Variants in SNRK observed in about 807,000 individuals in gnomAD.
SNRK encodes the protein SNF-related serine/threonine-protein kinase.
SNRK carries 3 observed loss-of-function variants against 48.2 expected under a neutral mutation model. The ratio of observed to expected loss-of-function variants is 0.06; its 90% CI spans 0.03 to 0.16. The LOEUF (loss-of-function observed/expected upper bound fraction) is 0.16, where lower values mean the gene tolerates loss of function less well. Among genes scored for constraint, SNRK ranks in the 10% least tolerant of loss-of-function variants. The pLI is 1.00. For missense variants in SNRK, 627 were observed against 976.0 expected (o/e 0.64, Z 4.76); for synonymous variants, 376 against 366.1 (o/e 1.03, Z -0.31).
At chr3:43,332,831 G>A (rs1460705194) in intron 4 of SNRK, 7 of 152,216 alleles carry the variant, frequency 4.6e-5, no homozygotes, top group African/African-American at 1.7e-4. Flanking sequence ...GTGACTATGG[G>A]AAGCCAGCAT....
At chr3:43,331,403 T>C (rs1451660004) in intron 3 of SNRK, among the ~76,000 whole-genome samples, 1 of 152,126 alleles carries the variant, frequency 6.6e-6, no homozygotes, top group African/African-American at 2.4e-5. Flanking sequence ...AATGCTAGAG[T>C]TGAGAGGTCC....
chr3:43,333,550 G>C (rs2091164405), intron 4 of SNRK, among the ~76,000 whole-genome samples: 1 of 151,950 alleles, frequency 6.6e-6, no homozygotes, highest in African/African-American at 2.4e-5. Flanking sequence ...TATGAATATT[G>C]ATGATGATTA....
rs557521362 is a variant in SNRK at position 43,318,664 on chromosome 3, G to A, written c.590-13505G>A. On this transcript the variant is annotated intron_variant, in intron 3 of 6. Coordinates refer to ENST00000296088, the MANE Select transcript of SNRK (RefSeq NM_017719.5). ...AACTTTCTAACACAAATTTGGAATT[G>A]TGTTATTCGCATTGCATGTTGCCGA... is the stretch of plus-strand genomic sequence containing the variant. 4.6e-5 allele frequency among the ~76,000 whole-genome samples: 7 copies of A among 151,970 alleles called. No individual in the cohort carries two copies. In the South Asian group the frequency reaches 1.5e-3, roughly 32 times the overall value.
rs187338323 is a variant in SNRK, at chr3:43,310,126, A to G, written c.589+6334A>G. 3.8e-3 allele frequency among the ~76,000 whole-genome samples: 575 copies of G among 152,264 alleles called. 4 individuals are homozygous for G. Among genetic ancestry groups the G allele is most frequent in the African/African-American group, 0.013 (543 of 41,562 alleles). ...CAGTATCGCTGAGGTATGCCTGTGT[A>G]TAGCTGTATTTCGTGTCTAATCTAT... On this transcript the variant is annotated intron_variant, in intron 3 of 6. Coordinates refer to ENST00000296088, the MANE Select transcript of SNRK (RefSeq NM_017719.5).
At chr3:43,292,085 C>T (rs1159365269) in intron 1 of SNRK, among the ~76,000 whole-genome samples, 2 of 152,190 alleles carry the variant, frequency 1.3e-5, no homozygotes, top group Non-Finnish European at 2.9e-5. Context: ...AACTGGAATT[C>T]TAATGGCCAA....
chr3:43,337,612 C>G (rs1450131696), intron 4 of SNRK, among the ~76,000 whole-genome samples: 1 of 151,970 alleles, frequency 6.6e-6, no homozygotes, highest in Non-Finnish European at 1.5e-5. Flanking sequence ...CCATTTCATA[C>G]TGCTACAAAG....
chr3:43,325,505 A>G (rs532032567), intron 3 of SNRK, among the ~76,000 whole-genome samples: 9 of 152,258 alleles, frequency 5.9e-5, no homozygotes, highest in African/African-American at 1.4e-4. Context: ...GAAAACATCA[A>G]AATACTCCAC....
chr3:43,299,871 C>T (rs2125617692), intron 2 of SNRK, 56 bp downstream of exon 2: 1 of 152,660 alleles, frequency 6.6e-6, no homozygotes, highest in African/African-American at 2.4e-5. Flanking sequence ...CACATCTTAA[C>T]ATTGGGCATT....
chr3:43,314,249 T>C (rs1038180182), intron 3 of SNRK, among the ~76,000 whole-genome samples: 6 of 152,176 alleles, frequency 3.9e-5, no homozygotes, highest in Non-Finnish European at 5.9e-5. Context: ...TATAGACATA[T>C]CTTAGAATTG....
chr3:43,343,117 A>T, intron 5 of SNRK: 1 of 461,272 alleles, frequency 2.2e-6, no homozygotes, highest in Non-Finnish European at 3.6e-6. Flanking sequence ...TCTCTCATTT[A>T]CGAAAAATCT....
chr3:43,316,311 C>T (rs2091012833), intron 3 of SNRK, among the ~76,000 whole-genome samples: 3 of 151,942 alleles, frequency 2.0e-5, no homozygotes, highest in African/African-American at 2.4e-5. Context: ...TGGTGGCTCT[C>T]AGTGGTCATC....
At position 43,332,165 on chromosome 3, in the gene SNRK, A is replaced by G; in HGVS notation, c.590-4A>G. ...ATATTTTAAAGTATGTCTTTGATTT[A>G]TAGATATTTGGAGTCTGGGAGTGAT... On this transcript the variant is annotated splice_polypyrimidine_tract_variant and splice_region_variant and intron_variant, in intron 3 of 6. Coordinates refer to ENST00000296088, the MANE Select transcript of SNRK (RefSeq NM_017719.5). 3.2e-6 allele frequency: 5 copies of G among 1,544,410 alleles called. No homozygotes were observed. Among genetic ancestry groups the G allele is most frequent in the Admixed American group, 2.2e-5 (1 of 45,740 alleles).
chr3:43,287,804 T>G (rs1178052456), intron 1 of SNRK, among the ~76,000 whole-genome samples: 1 of 152,228 alleles, frequency 6.6e-6, no homozygotes, highest in Non-Finnish European at 1.5e-5. Flanking sequence ...CAGTGTACTT[T>G]AAAGCCCGGG....
At position 43,341,539 on chromosome 3, in the gene SNRK, A is replaced by G. The variant is rs150031196; in HGVS notation, c.944+1040A>G. 1.6e-4 allele frequency among the ~76,000 whole-genome samples: 24 copies of G among 152,376 alleles called. No homozygotes were observed. The East Asian group carries it at 2.9e-3, about 18-fold the overall frequency. The stretch of plus-strand genomic sequence containing the variant: ...TTTTTTCTGATAATGATTAATTTCT[A>G]TAAGAGGTCCTGACTGTAAAAACAA... On this transcript the variant is annotated intron_variant, in intron 5 of 6. Coordinates refer to ENST00000296088, the MANE Select transcript of SNRK (RefSeq NM_017719.5).
chr3:43,348,795 G>T lies in SNRK; in HGVS notation c.*238G>T. 1 of 380,844 alleles carries T rather than the reference G, an allele frequency of 2.6e-6. No individual in the cohort carries two copies. The highest frequency in any genetic ancestry group is 4.0e-5 in the East Asian group (1 of 24,768). 23.6% of individuals were successfully genotyped at this position (380,844 alleles called of 1,614,324 possible). ...ATTTTTACATTCATAATTTTAATGT[G>T]GATGATCAGGATTAAATCAAGATAT... On this transcript the variant is annotated 3_prime_UTR_variant, in exon 7 of 7. Coordinates refer to ENST00000296088, the MANE Select transcript of SNRK (RefSeq NM_017719.5).
chr3:43,325,257 C>A (rs190788004), intron 3 of SNRK, among the ~76,000 whole-genome samples: 37 of 152,308 alleles, frequency 2.4e-4, no homozygotes, highest in Admixed American at 5.2e-4. Context: ...GCTCTGCCTC[C>A]CGGGTTCACA....
In SNRK at chr3:43,348,517, T is replaced by G; in HGVS notation, c.2258T>G (p.Leu753Arg). The change falls in exon 7 of 7, where the codon CTG (leucine) becomes CGG (arginine). Residue 753 changes from leucine (L) to arginine (R), a missense_variant. Around this residue, in one of 4 missense-constraint regions of SNRK, gnomAD observed 207 missense variants for 234.3 expected, o/e 0.88. Coordinates refer to ENST00000296088, the MANE Select transcript of SNRK (RefSeq NM_017719.5). ...NIQRNPKEGL[L>R]CASSPASCCH... ...CAGCGGAACCCTAAGGAGGGGCTGC[T>G]GTGCGCATCCAGCCCAGCCAGCTGT... 6.4e-7 allele frequency: 1 copy of G among 1,561,526 alleles called. No homozygotes were observed. The highest frequency in any genetic ancestry group is 8.6e-7 in the Non-Finnish European group (1 of 1,157,040).
chr3:43,296,427 T>TACAC (rs2090855515), intron 1 of SNRK, among the ~76,000 whole-genome samples: 2 of 138,544 alleles, frequency 1.4e-5, no homozygotes, highest in African/African-American at 5.8e-5. Flanking sequence ...TATATATATA[T>TACAC]ATATATGTAT....
At chr3:43,336,248 T>C (rs972241359) in intron 4 of SNRK, among the ~76,000 whole-genome samples, 1 of 148,592 alleles carries the variant, frequency 6.7e-6, no homozygotes, top group Admixed American at 6.7e-5. Flanking sequence ...CTCCTTCCCT[T>C]TCCTCCCCTC....
Sources: gnomAD v4.1 joint callset for allele counts (sites outside exome capture counted in the v4.1 genomes callset) on GRCh38, gnomAD v4.1.1 for gene constraint, gnomAD v4.1.1 regional missense constraint, MANE v1.5 for transcripts, NCBI Gene and HGNC (gene_info 2026-07-23, HGNC 2026-07-21) for gene names.